GALNT13: variants seen among roughly 807,000 people sequenced by gnomAD.
GALNT13 encodes polypeptide N-acetylgalactosaminyltransferase 13, also known as UDP-GalNAc:polypeptide N-acetylgalactosaminyltransferase 13.
GALNT13 carries 28 observed loss-of-function variants against 64.2 expected under a neutral mutation model. The observed-to-expected ratio is 0.44, with a 90% CI of 0.32 to 0.60. The LOEUF (loss-of-function observed/expected upper bound fraction) is 0.60, where lower values mean the gene tolerates loss of function less well. Among genes scored for constraint, GALNT13 ranks in the 20% least tolerant of loss-of-function variants. GALNT13 has a pLI of 0.05. For synonymous variants in GALNT13, 214 were observed against 224.6 expected, an observed-to-expected ratio of 0.95 and a Z score of 0.42; for missense variants, 577 against 669.8, an observed-to-expected ratio of 0.86 and a Z score of 1.53.
the GALNT13 span, among the ~76,000 whole-genome samples, chr2:153,534,141 C>T: frequency 6.6e-6 from 1 of 152,100 alleles, no homozygotes; most frequent in Non-Finnish European, 1.5e-5. Context: ...TTCTAACTTC[C>T]CTGTCTGATA....
intron 11 of GALNT13, among the ~76,000 whole-genome samples, chr2:154,411,941 C>G (rs1699814411): frequency 6.6e-6 from 1 of 151,664 alleles, no homozygotes; most frequent in African/African-American, 2.4e-5. Context: ...TTTTCTAACA[C>G]TAGGAAAATT....
chr2:153,325,151 G>A, the GALNT13 span, among the ~76,000 whole-genome samples: 2 of 85,496 alleles, frequency 2.3e-5, no homozygotes, highest in Admixed American at 1.4e-4. Context: ...TTGGTTGGGA[G>A]GCTATTTAAG....
At chr2:153,751,795 A>G in the GALNT13 span, among the ~76,000 whole-genome samples, 5 of 151,570 alleles carry the variant, frequency 3.3e-5, no homozygotes, top group African/African-American at 1.2e-4. Flanking sequence ...GCTAGTTGAT[A>G]TCTTCTGATT....
rs562731248 is a variant in GALNT13, at chr2:154,209,100, G to A, written c.312-32930G>A. Reference sequence around the variant, plus strand: ...TTGGTTAGAACAACAAAAACAGGAAGAATTATATTTTTCTTAAAAAAAAAG... The same window carrying A: ...TTGGTTAGAACAACAAAAACAGGAAAAATTATATTTTTCTTAAAAAAAAAG... On this transcript the variant is annotated intron_variant, in intron 4 of 12. Transcript: ENST00000392825. 6.0e-5 allele frequency among the ~76,000 whole-genome samples: 9 copies of A among 150,814 alleles called. No homozygotes were observed. In the East Asian group the frequency reaches 1.8e-3, roughly 29 times the overall value.
At chr2:153,254,192 C>T in the GALNT13 span, among the ~76,000 whole-genome samples, 1 of 152,264 alleles carries the variant, frequency 6.6e-6, no homozygotes. Flanking sequence ...CTGGTTTAGT[C>T]TTGGGAGGGT....
chr2:154,114,994 T>A (rs1428739664), intron 3 of GALNT13, among the ~76,000 whole-genome samples: 1 of 152,212 alleles, frequency 6.6e-6, no homozygotes, highest in Non-Finnish European at 1.5e-5. Context: ...CACCGTTAGA[T>A]CTGACATATG....
At chr2:153,368,154 C>G in the GALNT13 span, among the ~76,000 whole-genome samples, 2 of 152,040 alleles carry the variant, frequency 1.3e-5, no homozygotes, top group African/African-American at 4.8e-5. Context: ...CTGTTATGAA[C>G]TGAATGTGTC....
At chr2:153,422,718 T>C in the GALNT13 span, among the ~76,000 whole-genome samples, 39 of 152,180 alleles carry the variant, frequency 2.6e-4, no homozygotes, top group African/African-American at 8.9e-4. Context: ...ATTTTGAAAA[T>C]ATATTTTTTA....
At chr2:154,313,365 A>T (rs955854641) in intron 9 of GALNT13, among the ~76,000 whole-genome samples, 2 of 148,102 alleles carry the variant, frequency 1.4e-5, no homozygotes, top group African/African-American at 4.9e-5. Flanking sequence ...ATATATATAC[A>T]CTAGATATCT....
chr2:154,300,124 G>C (rs1180016598), intron 8 of GALNT13, among the ~76,000 whole-genome samples: 2 of 82,260 alleles, frequency 2.4e-5, no homozygotes, highest in Admixed American at 1.9e-4. Flanking sequence ...TTTTGAGATA[G>C]AGTTTCGCTT....
chr2:153,684,248 A>G, the GALNT13 span, among the ~76,000 whole-genome samples: 4 of 151,520 alleles, frequency 2.6e-5, no homozygotes, highest in Non-Finnish European at 5.9e-5. Context: ...ATGAATTTTT[A>G]TGTTTTCTTT....
At chr2:153,669,149 G>A in the GALNT13 span, among the ~76,000 whole-genome samples, 21,572 of 152,112 alleles carry the variant, frequency 0.14, 2,010 homozygotes, top group East Asian at 0.48. Context: ...AGAGAGCTCC[G>A]GCAGAGTGGC....
chr2:153,294,182 T>A, the GALNT13 span, among the ~76,000 whole-genome samples: 1 of 152,036 alleles, frequency 6.6e-6, no homozygotes, highest in Non-Finnish European at 1.5e-5. Context: ...TGGAAATCAG[T>A]CTGGTGGAGG....
the GALNT13 span, among the ~76,000 whole-genome samples, chr2:153,410,388 ACCC>A: frequency 6.6e-6 from 1 of 152,088 alleles, no homozygotes; most frequent in Admixed American, 6.6e-5. Flanking sequence ...GAGCCACCAC[ACCC>A]AGCTGGAAAT....
chr2:153,092,640 A>G, the GALNT13 span, among the ~76,000 whole-genome samples: 4 of 152,086 alleles, frequency 2.6e-5, no homozygotes, highest in Non-Finnish European at 4.4e-5. Flanking sequence ...CATGTTATTC[A>G]CTGTTGGCAT....
chr2:154,071,768 G>T (rs140364879), intron 3 of GALNT13, among the ~76,000 whole-genome samples: 1 of 152,170 alleles, frequency 6.6e-6, no homozygotes, highest in South Asian at 2.1e-4. Context: ...TTATAAACGA[G>T]TGTCCTTTTT....
chr2:154,171,051 A>G (rs1392114458), intron 4 of GALNT13, among the ~76,000 whole-genome samples: 2 of 152,144 alleles, frequency 1.3e-5, no homozygotes, highest in African/African-American at 4.8e-5. Context: ...TATCAAAAGA[A>G]TATCTTTAAA....
intron 1 of GALNT13, among the ~76,000 whole-genome samples, chr2:153,875,679 A>G (rs1686317076): frequency 6.6e-6 from 1 of 152,222 alleles, no homozygotes; most frequent in Admixed American, 6.5e-5. Flanking sequence ...ATGAATGGGC[A>G]GATGAAGAGA....
chr2:154,091,394 G>T (rs888960320), intron 3 of GALNT13, among the ~76,000 whole-genome samples: 2 of 151,784 alleles, frequency 1.3e-5, no homozygotes. Flanking sequence ...CATTTTGAAA[G>T]GATATTGATT....
Sources: allele counts gnomAD v4.1 joint callset (sites outside exome capture counted in the v4.1 genomes callset), GRCh38; gene constraint gnomAD v4.1.1; transcripts MANE v1.5; gene names NCBI Gene and HGNC (gene_info 2026-07-23, HGNC 2026-07-21).